MTCL1: variants seen among roughly 807,000 people sequenced by gnomAD.
The protein encoded by MTCL1 is microtubule crosslinking factor 1.
A neutral mutation model predicts 141.4 loss-of-function variants in MTCL1; 79 were observed. The ratio of observed to expected loss-of-function variants is 0.56; its 90% CI spans 0.47 to 0.67. The LOEUF (loss-of-function observed/expected upper bound fraction) is 0.67. Ranked by LOEUF, MTCL1 falls within the 30% of genes least tolerant of loss-of-function variation. The probability of loss-of-function intolerance (pLI) is 0.00; values close to 1 mark genes in which losing one functional copy is unlikely to be tolerated. For missense variants in MTCL1, 2,177 were observed against 2,113.9 expected, an observed-to-expected ratio of 1.03 and a Z score of -0.59; for synonymous variants, 914 against 875.8, an observed-to-expected ratio of 1.04 and a Z score of -0.77.
chr18:8,737,163 G>A (rs1042333226), intron 4 of MTCL1, among the ~76,000 whole-genome samples: 1 of 152,132 alleles, frequency 6.6e-6, no homozygotes, highest in South Asian at 2.1e-4. Context: ...AGTTCTGGAC[G>A]GGACATTCAC....
At chr18:8,768,874 C>T (rs921761180) in intron 4 of MTCL1, among the ~76,000 whole-genome samples, 4 of 148,768 alleles carry the variant, frequency 2.7e-5, no homozygotes, top group Admixed American at 2.0e-4. Context: ...TCACTGCAAC[C>T]TCCACCTCCC....
intron 9 of MTCL1, among the ~76,000 whole-genome samples, chr18:8,797,601 G>T (rs909638034): frequency 6.6e-6 from 1 of 152,294 alleles, no homozygotes; most frequent in Middle Eastern, 3.4e-3. Context: ...CCTTTTGTCT[G>T]GTTTTCACTC....
At chr18:8,824,052 C>A in intron 14 of MTCL1, among the ~76,000 whole-genome samples, 1 of 152,164 alleles carries the variant, frequency 6.6e-6, no homozygotes, top group African/African-American at 2.4e-5. Flanking sequence ...GGATTCCAGG[C>A]CAAAGAGGTT....
chr18:8,824,932 C>T, exon 15 of MTCL1: 1 of 1,613,734 alleles, frequency 6.2e-7, no homozygotes, highest in East Asian at 2.2e-5. Flanking sequence ...GTGGGGCGGG[C>T]AGGGCACGAG....
chr18:8,807,124 G>A (rs867124530), intron 11 of MTCL1, 64 bp downstream of exon 10: 104 of 1,492,134 alleles, frequency 7.0e-5, no homozygotes, highest in Middle Eastern at 2.2e-4. Flanking sequence ...GATATGTGGC[G>A]GGGGAGCGGG....
rs573315665 is a variant in MTCL1 at position 8,736,809 on chromosome 18, T to C, written c.357+16313T>C. Reference sequence around the variant, plus strand: ...CCCACCACCATGCCCGGCTAATTTTTTTGTAGTTTTTTAGTAGAGACGGGG... The same window carrying C: ...CCCACCACCATGCCCGGCTAATTTTCTTGTAGTTTTTTAGTAGAGACGGGG... On this transcript the variant is annotated intron_variant, in intron 4 of 16. Transcript: ENST00000359865. Among the ~76,000 whole-genome samples the C allele has an allele frequency of 2.6e-5, 4 of 152,056 alleles. No homozygotes were observed. In the South Asian group the frequency reaches 8.4e-4, roughly 32 times the overall value.
upstream of MTCL1, among the ~76,000 whole-genome samples, chr18:8,715,345 A>G (rs1194411881): frequency 6.6e-6 from 1 of 152,130 alleles, no homozygotes; most frequent in East Asian, 1.9e-4. Context: ...TTAGGGCTAT[A>G]TTGCATTTTA....
At chr18:8,720,470 C>A (rs147730005) in exon 4 of MTCL1, 3 of 1,613,996 alleles carry the variant, frequency 1.9e-6, no homozygotes, top group Non-Finnish European at 2.5e-6. Context: ...ACAGGCCCTC[C>A]AGAATGAGCT....
At chr18:8,826,545 C>T (rs1488495978) in intron 15 of MTCL1, among the ~76,000 whole-genome samples, 10 of 152,160 alleles carry the variant, frequency 6.6e-5, no homozygotes, top group Non-Finnish European at 1.5e-4. Flanking sequence ...GGTCAGTTTG[C>T]CTTCTTTCTG....
At chr18:8,785,721 T>G in intron 6 of MTCL1, 4 of 589,332 alleles carry the variant, frequency 6.8e-6, no homozygotes, top group Non-Finnish European at 9.0e-6. Context: ...CTCATCCTCA[T>G]CTTGGGTCTG....
At chr18:8,824,398 C>T (rs1324423424) in intron 14 of MTCL1, among the ~76,000 whole-genome samples, 1 of 152,202 alleles carries the variant, frequency 6.6e-6, no homozygotes, top group Non-Finnish European at 1.5e-5. Flanking sequence ...ACTGAGGCCT[C>T]AAGTGATTCT....
At chr18:8,826,200 C>T in exon 15 of MTCL1, 1 of 1,608,954 alleles carries the variant, frequency 6.2e-7, no homozygotes. Context: ...CAGCCACTCG[C>T]TGGGGGACAC....
At chr18:8,728,565 G>A (rs554084458) in intron 4 of MTCL1, among the ~76,000 whole-genome samples, 9 of 152,020 alleles carry the variant, frequency 5.9e-5, no homozygotes, top group East Asian at 3.9e-4. Context: ...AGCATTCACC[G>A]TCAGTCTGAT....
In MTCL1 at chr18:8,822,949, G is replaced by A. The variant is rs1787969; in HGVS notation, c.3188+1451G>A. Among the ~76,000 whole-genome samples, 5 of 151,912 alleles carry A rather than the reference G, an allele frequency of 3.3e-5. No homozygotes were observed. The highest frequency in any genetic ancestry group is 4.4e-5 in the Non-Finnish European group (3 of 67,980). On this transcript the variant is annotated intron_variant, in intron 14 of 16. Transcript: ENST00000359865. This position sits in a 1 kb window ranked among gnomAD's most constrained non-coding sequence, Gnocchi z 4.6. ...TGAGGCAGGAAAATTGACCGAACCC[G>A]GGAGGCGGAGGTTGCAGTGAACCGA...
intron 4 of MTCL1, among the ~76,000 whole-genome samples, chr18:8,751,070 G>T (rs1433850560): frequency 2.0e-5 from 3 of 152,182 alleles, no homozygotes; most frequent in Non-Finnish European, 4.4e-5. Flanking sequence ...GGACCAGTGG[G>T]TGTGGGCATC....
At chr18:8,771,640 A>G (rs1017842698) in intron 4 of MTCL1, among the ~76,000 whole-genome samples, 4 of 152,248 alleles carry the variant, frequency 2.6e-5, no homozygotes, top group African/African-American at 9.6e-5. Context: ...AAATTGGCCA[A>G]CTTAAAATAG....
intron 14 of MTCL1, among the ~76,000 whole-genome samples, 194 bp from the exon 14 acceptor site, chr18:8,824,505 A>C (rs72942331): frequency 6.9e-4 from 105 of 152,324 alleles, no homozygotes; most frequent in Non-Finnish European, 1.1e-3. Flanking sequence ...ACAATTCCAG[A>C]GCCACGCAGA....
chr18:8,825,192 G>A (rs2076978562), exon 15 of MTCL1: 1 of 1,584,420 alleles, frequency 6.3e-7, no homozygotes, highest in Middle Eastern at 1.7e-4. Context: ...AGACACCAAG[G>A]GAGGCCCTCC....
chr18:8,792,472 C>T (rs2075765279), intron 7 of MTCL1, among the ~76,000 whole-genome samples: 2 of 152,190 alleles, frequency 1.3e-5, no homozygotes, highest in African/African-American at 4.8e-5. Flanking sequence ...TTGCCCTGAG[C>T]ATCGGTGTCA....
Sources: gnomAD v4.1 joint callset for allele counts (sites outside exome capture counted in the v4.1 genomes callset) on GRCh38, gnomAD v4.1.1 for gene constraint, Gnocchi (gnomAD v3.1) non-coding constraint, MANE v1.5 for transcripts, NCBI Gene and HGNC (gene_info 2026-07-23, HGNC 2026-07-21) for gene names.